The following FBXO34 variants were observed in gnomAD, a reference collection of about 807,000 sequenced individuals.
The protein encoded by FBXO34 is F-box only protein 34.
A neutral mutation model predicts 24.5 loss-of-function variants in FBXO34; 12 were observed. The observed-to-expected ratio is 0.49, with a 90% CI of 0.31 to 0.79. The LOEUF is 0.79. Ranked by LOEUF, FBXO34 falls within the 30% of genes least tolerant of loss-of-function variation. The probability of loss-of-function intolerance (pLI) is 0.04; values close to 1 mark genes in which losing one functional copy is unlikely to be tolerated. For synonymous variants in FBXO34, 320 were observed against 311.9 expected (o/e 1.03, Z -0.27); for missense variants, 823 against 857.7 (o/e 0.96, Z 0.51).
chr14:55,379,400 G>A, the FBXO34 span, among the ~76,000 whole-genome samples: 7 of 151,962 alleles, frequency 4.6e-5, no homozygotes, highest in Admixed American at 6.6e-5. Context: ...AAATTAGCCA[G>A]GTGTGGTAGC....
intron 1 of FBXO34, among the ~76,000 whole-genome samples, chr14:55,345,236 A>G (rs1884121074): frequency 6.6e-6 from 1 of 152,158 alleles, no homozygotes; most frequent in Non-Finnish European, 1.5e-5. Flanking sequence ...GAAGCCATAG[A>G]TGAGGACCCA....
intron 1 of FBXO34, 67 bp from the exon 2 acceptor site, chr14:55,350,314 A>G: frequency 8.0e-7 from 1 of 1,247,906 alleles, no homozygotes; most frequent in Non-Finnish European, 1.1e-6. Context: ...CTGAGCTTAA[A>G]TTTAAAAACA....
the FBXO34 span, among the ~76,000 whole-genome samples, chr14:55,414,981 G>A: frequency 1.1e-4 from 16 of 152,312 alleles, no homozygotes; most frequent in East Asian, 2.9e-3. Context: ...ACTGTCACTC[G>A]TAAAGTCTTG....
rs568372351 is a variant in FBXO34 at position 55,318,139 on chromosome 14, C to T, written c.-10-32242C>T. The stretch of plus-strand genomic sequence containing the variant: ...TTTTAAAGTTTATGGCTATAATCTC[C>T]AGTTCTTTTTGACCTGTGAGTTTAT... On this transcript the variant is annotated intron_variant, in intron 1 of 1. Transcript: ENST00000313833. The T allele has an allele frequency of 4.6e-5, 7 of 151,746 alleles. No individual in the cohort carries two copies. The South Asian group carries it at 1.5e-3, about 32-fold the overall frequency. 9.4% of individuals were successfully genotyped at this position (151,746 alleles called of 1,614,324 possible).
intron 1 of FBXO34, among the ~76,000 whole-genome samples, chr14:55,319,180 T>G (rs1257058072): frequency 6.6e-6 from 1 of 152,158 alleles, no homozygotes; most frequent in African/African-American, 2.4e-5. Flanking sequence ...AATGCACATA[T>G]TTACACTTTT....
At chr14:55,427,880 CT>C in the FBXO34 span, among the ~76,000 whole-genome samples, 9,485 of 130,736 alleles carry the variant, frequency 0.073, 162 homozygotes, top group Non-Finnish European at 0.081. Context: ...GTTAGGATTG[CT>C]TTTTTTTTTT....
chr14:55,393,924 T>C, the FBXO34 span, among the ~76,000 whole-genome samples: 1 of 152,110 alleles, frequency 6.6e-6, no homozygotes, highest in Admixed American at 6.5e-5. Context: ...ATTATTTTTT[T>C]CCATTAATAA....
chr14:55,352,638 T>C lies in FBXO34; in HGVS notation c.*112T>C, dbSNP rs1193452138. On this transcript the variant is annotated 3_prime_UTR_variant, in exon 2 of 2. Coordinates refer to ENST00000313833, the MANE Select transcript of FBXO34 (RefSeq NM_017943.4). ...TCATCACTCTAGAAGAATCTGTACA[T>C]CATCAGGACTGCATTGCTCAGGCAT... 6.9e-6 allele frequency: 6 copies of C among 875,206 alleles called. No individual in the cohort carries two copies. Among genetic ancestry groups the C allele is most frequent in the Non-Finnish European group, 8.6e-6 (5 of 579,706 alleles). The allele number at this position is 875,206 out of a possible 1,614,324, so 54.2% of individuals were successfully genotyped here.
At chr14:55,357,223 A>G (rs761640398), downstream of FBXO34, among the ~76,000 whole-genome samples, 1 of 152,232 alleles carries the variant, frequency 6.6e-6, no homozygotes, top group Non-Finnish European at 1.5e-5. Flanking sequence ...TAGCATCACC[A>G]TTCCAGGTGG....
the FBXO34 span, among the ~76,000 whole-genome samples, chr14:55,423,833 G>C: frequency 6.6e-6 from 1 of 152,146 alleles, no homozygotes; most frequent in Non-Finnish European, 1.5e-5. Context: ...GTTAACCCCT[G>C]TGTTAGGACC....
intron 1 of FBXO34, among the ~76,000 whole-genome samples, chr14:55,273,909 G>C (rs1038456003): frequency 2.0e-5 from 3 of 152,144 alleles, no homozygotes; most frequent in Non-Finnish European, 4.4e-5. Context: ...GGGTTCAAGC[G>C]ATTCTCCTGG....
downstream of FBXO34, chr14:55,369,133 C>G (rs1402840126): frequency 6.5e-6 from 1 of 152,704 alleles, no homozygotes; most frequent in Non-Finnish European, 1.5e-5. Context: ...GGTTCTCATA[C>G]AAAAAACAAT....
At chr14:55,284,304 A>C (rs1881676241) in intron 1 of FBXO34, among the ~76,000 whole-genome samples, 1 of 152,178 alleles carries the variant, frequency 6.6e-6, no homozygotes, top group African/African-American at 2.4e-5. Flanking sequence ...ACCTGAGGTC[A>C]GGAGTTCGAG....
the FBXO34 span, among the ~76,000 whole-genome samples, chr14:55,427,395 A>C: frequency 1.3e-5 from 2 of 152,252 alleles, no homozygotes; most frequent in Non-Finnish European, 2.9e-5. Flanking sequence ...ATATTTTAGA[A>C]GAAAAAGGAA....
chr14:55,414,316 G>T, the FBXO34 span: 1 of 1,239,090 alleles, frequency 8.1e-7, no homozygotes, highest in Non-Finnish European at 1.2e-6. Flanking sequence ...GAATCCAGCT[G>T]TTTCTGTGCT....
chr14:55,275,398 G>GAAAAA (rs1304863112), intron 1 of FBXO34, among the ~76,000 whole-genome samples: 12 of 152,230 alleles, frequency 7.9e-5, no homozygotes, highest in Non-Finnish European at 1.6e-4. Flanking sequence ...TCTGTGCCAG[G>GAAAAA]TACTCAGATA....
downstream of FBXO34, among the ~76,000 whole-genome samples, chr14:55,365,208 C>T (rs144329397): frequency 1.0e-3 from 143 of 139,752 alleles, no homozygotes; most frequent in South Asian, 2.0e-3. Flanking sequence ...GAGACTCTAT[C>T]ATCTCTTCTA....
Position 55,349,610 on chromosome 14 carries a change from T to TTTC in FBXO34, c.-10-769_-10-768insCTT, listed in dbSNP as rs1884273718. Among the ~76,000 whole-genome samples the TTTC allele has an allele frequency of 2.1e-5, 3 of 146,334 alleles. 1 individual carries two copies. Among genetic ancestry groups the TTTC allele is most frequent in the Non-Finnish European group, 3.0e-5 (2 of 66,308 alleles). On this transcript the variant is annotated intron_variant, in intron 1 of 1. Coordinates refer to ENST00000313833, the MANE Select transcript of FBXO34 (RefSeq NM_017943.4). ...TAGTTTAGGAAGCAATAATTTTCTT[T>TTTC]TTTTTTTTTTTTTTTGAGACAAAGT...
the FBXO34 span, among the ~76,000 whole-genome samples, chr14:55,386,427 C>A: frequency 6.6e-6 from 1 of 152,192 alleles, no homozygotes; most frequent in Non-Finnish European, 1.5e-5. Context: ...TCACATTGGG[C>A]AGAAAAGAGA....
Sources: gnomAD v4.1 joint callset for allele counts (sites outside exome capture counted in the v4.1 genomes callset) on GRCh38, gnomAD v4.1.1 for gene constraint, MANE v1.5 for transcripts, NCBI Gene and HGNC (gene_info 2026-07-23, HGNC 2026-07-21) for gene names.